CSMD1: variants seen among roughly 807,000 people sequenced by gnomAD.
CSMD1 encodes CUB and sushi domain-containing protein 1.
A neutral mutation model predicts 417.5 loss-of-function variants in CSMD1; 213 were observed. The ratio of observed to expected loss-of-function variants is 0.51; its 90% CI spans 0.46 to 0.57. The LOEUF is 0.57. Ranked by LOEUF, CSMD1 falls within the 20% of genes least tolerant of loss-of-function variation. The pLI is 0.00. For missense variants in CSMD1, 6,923 were observed against 4,529.7 expected, an observed-to-expected ratio of 1.53 and a Z score of -15.17; for synonymous variants, 2,862 against 1,736.8, an observed-to-expected ratio of 1.65 and a Z score of -16.11.
At chr8:3,947,686 T>C (rs986431813) in intron 5 of CSMD1, among the ~76,000 whole-genome samples, 1 of 152,192 alleles carries the variant, frequency 6.6e-6, no homozygotes, top group Non-Finnish European at 1.5e-5. Flanking sequence ...TAATATAACA[T>C]AGTATCAAAC....
chr8:3,194,281 T>A (rs1038707619), intron 33 of CSMD1, among the ~76,000 whole-genome samples: 8 of 152,084 alleles, frequency 5.3e-5, no homozygotes, highest in Non-Finnish European at 1.2e-4. Flanking sequence ...AATCAAAACA[T>A]GTATTTGCCT....
chr8:4,033,709 G>C (rs993383089), intron 3 of CSMD1, among the ~76,000 whole-genome samples: 2 of 152,162 alleles, frequency 1.3e-5, no homozygotes, highest in South Asian at 2.1e-4. Flanking sequence ...ATTTTACACA[G>C]TTTGACTCTT....
At position 3,998,733 on chromosome 8, in the gene CSMD1, A is replaced by G. The variant is rs545618005; in HGVS notation, c.611-623T>C. Reference sequence around the variant, plus strand: ...CCAGTAAAGATAAAAGTGCATTTAAAATAGAAACTAACAATTAAAAAATTA... The same window carrying G: ...CCAGTAAAGATAAAAGTGCATTTAAGATAGAAACTAACAATTAAAAAATTA... On this transcript the variant is annotated intron_variant, in intron 4 of 69. Coordinates refer to ENST00000635120, the MANE Select transcript of CSMD1 (RefSeq NM_033225.6). Among the ~76,000 whole-genome samples, 215 of 152,202 alleles carry G rather than the reference A, an allele frequency of 1.4e-3. 4 individuals are homozygous for G. The South Asian group carries it at 0.043, about 31-fold the overall frequency.
At chr8:4,556,664 C>G (rs557907731) in intron 2 of CSMD1, among the ~76,000 whole-genome samples, 1 of 152,172 alleles carries the variant, frequency 6.6e-6, no homozygotes, top group African/African-American at 2.4e-5. Context: ...TAGTGCAATG[C>G]AAACAACAAA....
At chr8:4,511,347 G>C (rs891721261) in intron 2 of CSMD1, among the ~76,000 whole-genome samples, 1 of 152,192 alleles carries the variant, frequency 6.6e-6, no homozygotes, top group South Asian at 2.1e-4. Context: ...GACCAGAGGA[G>C]GGGCATGCAG....
At chr8:3,219,227 C>T (rs376554411) in intron 29 of CSMD1, 28 bp downstream of exon 29, 2 of 1,549,348 alleles carry the variant, frequency 1.3e-6, no homozygotes, top group Non-Finnish European at 8.8e-7. Flanking sequence ...CAAATTAATT[C>T]CCACTCAAAT....
In CSMD1 at chr8:3,947,657, T is replaced by G. The variant is rs193009785; in HGVS notation, c.818+50246A>C. On this transcript the variant is annotated intron_variant, in intron 5 of 69. Transcript: ENST00000635120. The stretch of plus-strand genomic sequence containing the variant: ...CATATTCTGTTATCAATTTACAGTT[T>G]AATTATGTTGTGATAAGATAATATA... Among the ~76,000 whole-genome samples, 12 of 152,354 alleles carry G rather than the reference T, an allele frequency of 7.9e-5. 1 individual carries two copies. The South Asian group carries it at 1.7e-3, about 21-fold the overall frequency.
chr8:4,608,503 G>C (rs536169610), intron 2 of CSMD1, among the ~76,000 whole-genome samples: 2 of 152,324 alleles, frequency 1.3e-5, no homozygotes, highest in South Asian at 4.1e-4. Context: ...ATTATTTGGA[G>C]TGTTTAAATG....
At chr8:4,561,569 C>A (rs1190218321) in intron 2 of CSMD1, among the ~76,000 whole-genome samples, 2 of 152,102 alleles carry the variant, frequency 1.3e-5, no homozygotes, top group African/African-American at 4.8e-5. Flanking sequence ...GTAGCCCCAG[C>A]TACTCAGGAG....
intron 3 of CSMD1, among the ~76,000 whole-genome samples, chr8:4,159,399 A>G (rs1288126556): frequency 6.6e-6 from 1 of 152,186 alleles, no homozygotes; most frequent in Non-Finnish European, 1.5e-5. Flanking sequence ...ACCGAGGGGA[A>G]AAGAAGTCAT....
intron 41 of CSMD1, among the ~76,000 whole-genome samples, chr8:3,131,112 A>G (rs1051248616): frequency 6.6e-6 from 1 of 152,230 alleles, no homozygotes; most frequent in Non-Finnish European, 1.5e-5. Context: ...AATAAAATAC[A>G]TAAGATTACA....
intron 1 of CSMD1, among the ~76,000 whole-genome samples, chr8:4,676,339 C>T (rs1460501353): frequency 2.0e-5 from 3 of 152,062 alleles, no homozygotes; most frequent in Non-Finnish European, 2.9e-5. Flanking sequence ...CTCCTGTATC[C>T]ATCTGCCCTG....
chr8:4,860,113 G>C (rs993641778), intron 1 of CSMD1, among the ~76,000 whole-genome samples: 2 of 151,780 alleles, frequency 1.3e-5, no homozygotes, highest in Non-Finnish European at 2.9e-5. Flanking sequence ...CCTTTGTAGG[G>C]ACATGGATGA....
chr8:3,429,759 T>C (rs780930506), intron 12 of CSMD1, among the ~76,000 whole-genome samples: 1 of 152,232 alleles, frequency 6.6e-6, no homozygotes, highest in Non-Finnish European at 1.5e-5. Flanking sequence ...AAATAAAGTC[T>C]ATGGTTGTTG....
chr8:3,633,357 G>A (rs1036573709), intron 7 of CSMD1, among the ~76,000 whole-genome samples: 1 of 152,146 alleles, frequency 6.6e-6, no homozygotes, highest in African/African-American at 2.4e-5. Context: ...GGTGTCTTTG[G>A]TCCTGCCATA....
Position 3,665,826 on chromosome 8 carries a change from C to G in CSMD1, c.1009+42588G>C, listed in dbSNP as rs892181864. On this transcript the variant is annotated intron_variant, in intron 7 of 69. Coordinates refer to ENST00000635120, the MANE Select transcript of CSMD1 (RefSeq NM_033225.6). ...CCCTAGGAATCTCTTGAATGATCAA[C>G]CCAAGGCTTAGGCTCCTGCATTTAT... 3.3e-5 allele frequency among the ~76,000 whole-genome samples: 5 copies of G among 152,160 alleles called. No homozygotes were observed. The South Asian group carries it at 1.0e-3, about 32-fold the overall frequency.
chr8:3,141,271 A>G (rs1818422694), intron 41 of CSMD1, among the ~76,000 whole-genome samples: 1 of 152,130 alleles, frequency 6.6e-6, no homozygotes, highest in African/African-American at 2.4e-5. Flanking sequence ...ACAAAATTAT[A>G]CCTGAGGAAA....
chr8:4,316,829 C>T (rs1585218767), intron 3 of CSMD1, among the ~76,000 whole-genome samples: 1 of 152,102 alleles, frequency 6.6e-6, no homozygotes, highest in Non-Finnish European at 1.5e-5. Flanking sequence ...TCGGTAAACG[C>T]AAAATAATTG....
chr8:4,831,946 A>T (rs1411288064), intron 1 of CSMD1, among the ~76,000 whole-genome samples: 1 of 152,252 alleles, frequency 6.6e-6, no homozygotes, highest in East Asian at 1.9e-4. Flanking sequence ...GAGATTTAAA[A>T]TTTTTGTCTG....
Sources: allele counts gnomAD v4.1 joint callset (sites outside exome capture counted in the v4.1 genomes callset), GRCh38; gene constraint gnomAD v4.1.1; transcripts MANE v1.5; gene names NCBI Gene and HGNC (gene_info 2026-07-23, HGNC 2026-07-21).